Variants in KIRREL3 observed in about 807,000 individuals in gnomAD.
KIRREL3 encodes kin of IRRE-like protein 3.
KIRREL3 carries 36 observed loss-of-function variants against 89.7 expected under a neutral mutation model. The ratio of observed to expected loss-of-function variants is 0.40; its 90% CI spans 0.31 to 0.53. The LOEUF is 0.53. Among genes scored for constraint, KIRREL3 ranks in the 20% least tolerant of loss-of-function variants. The pLI is 0.49. For missense variants in KIRREL3, 864 were observed against 1,056.6 expected (o/e 0.82, Z 2.53); for synonymous variants, 445 against 441.4 (o/e 1.01, Z -0.10).
At chr11:126,831,931 A>G (rs1318178053) in intron 1 of KIRREL3, among the ~76,000 whole-genome samples, 1 of 152,284 alleles carries the variant, frequency 6.6e-6, no homozygotes, top group Non-Finnish European at 1.5e-5. Context: ...TTCCTGGCAT[A>G]GAACTGGTTG....
chr11:126,756,308 A>G (rs1946084), intron 1 of KIRREL3, among the ~76,000 whole-genome samples: 91,412 of 152,180 alleles, frequency 0.6, 28,406 homozygotes, highest in East Asian at 0.95. Context: ...ACCCTTCAAA[A>G]TGGGCTGTCA....
intron 7 of KIRREL3, among the ~76,000 whole-genome samples, chr11:126,450,680 C>T (rs1048289065): frequency 6.6e-5 from 9 of 135,386 alleles, no homozygotes; most frequent in Admixed American, 2.2e-4. Context: ...TGTCCATGTG[C>T]ATGGTGCGTG....
chr11:126,797,877 C>T lies in KIRREL3; in HGVS notation c.55+202578G>A, dbSNP rs916767687. On this transcript the variant is annotated intron_variant, in intron 1 of 16. Transcript: ENST00000525144. The surrounding 1 kb of genome is among the most constrained non-coding windows in gnomAD (Gnocchi z 4.9). ...GAAAAATGAAATAATTGCATTCTGA[C>T]TTGCTCAAAATGATTCATCTGCATG... 2.6e-5 allele frequency among the ~76,000 whole-genome samples: 4 copies of T among 152,178 alleles called. No homozygotes were observed. Among genetic ancestry groups the T allele is most frequent in the Non-Finnish European group, 5.9e-5 (4 of 68,042 alleles).
At chr11:126,832,644 G>T (rs1943646628) in intron 1 of KIRREL3, among the ~76,000 whole-genome samples, 1 of 152,182 alleles carries the variant, frequency 6.6e-6, no homozygotes, top group African/African-American at 2.4e-5. Context: ...GTGTGGTCCT[G>T]AAGGGTCTTC....
Position 126,530,792 on chromosome 11 carries a change from T to C in KIRREL3, c.134-4105A>G, listed in dbSNP as rs1467712791. On this transcript the variant is annotated intron_variant, in intron 2 of 16. Transcript: ENST00000525144. This position sits in a 1 kb window ranked among gnomAD's most constrained non-coding sequence, Gnocchi z 5.8. ...ATGATGTTCCCCTGGTGTGAAGCCT[T>C]GGCGGCCGGTGCAATCTCCCCTTCC... 1.3e-5 allele frequency among the ~76,000 whole-genome samples: 2 copies of C among 152,178 alleles called. No individual in the cohort carries two copies. Among genetic ancestry groups the C allele is most frequent in the Non-Finnish European group, 2.9e-5 (2 of 68,032 alleles).
chr11:126,766,704 T>C lies in KIRREL3; in HGVS notation c.56-203792A>G, dbSNP rs544107645. Among the ~76,000 whole-genome samples the C allele has an allele frequency of 5.6e-4, 86 of 152,336 alleles. No individual in the cohort carries two copies. The highest frequency in any genetic ancestry group is 2.1e-3 in the Admixed American group (32 of 15,306). ...ATAATCTCAATAGGCACTTACAGAA[T>C]TGACTTTTCTGCCTTGGCCTGGGGG... On this transcript the variant is annotated intron_variant, in intron 1 of 16. Transcript: ENST00000525144. The surrounding 1 kb of genome is among the most constrained non-coding windows in gnomAD (Gnocchi z 4.2).
chr11:126,922,121 G>GTCTATCTATCTATCTATCTA (rs60938174), intron 1 of KIRREL3, among the ~76,000 whole-genome samples: 7 of 139,962 alleles, frequency 5.0e-5, no homozygotes, highest in East Asian at 2.2e-4. Context: ...CTATCTGTCT[G>GTCTATCTATCTATCTATCTA]TCTATCTATC....
rs1947607863 is a variant in KIRREL3, at chr11:126,924,409, A to G, written c.55+76046T>C. Among the ~76,000 whole-genome samples, 1 of 152,224 alleles carries G rather than the reference A, an allele frequency of 6.6e-6. No homozygotes were observed. The highest frequency in any genetic ancestry group is 1.9e-4 in the East Asian group (1 of 5,198). On this transcript the variant is annotated intron_variant, in intron 1 of 16. Transcript: ENST00000525144. This position sits in a 1 kb window ranked among gnomAD's most constrained non-coding sequence, Gnocchi z 4.7. ...AGGTCCTTATAAGTACTCAAAAAAT[A>G]TGTGTTCAATGAAAAAATAATTGGG... is the stretch of plus-strand genomic sequence containing the variant.
intron 1 of KIRREL3, among the ~76,000 whole-genome samples, chr11:126,852,224 T>C (rs1944367226): frequency 1.3e-5 from 2 of 152,048 alleles, no homozygotes. Context: ...CAGCTAATGT[T>C]TGTATTTTTA....
intron 1 of KIRREL3, among the ~76,000 whole-genome samples, chr11:126,714,356 G>C (rs1565671744): frequency 6.6e-6 from 1 of 152,340 alleles, no homozygotes; most frequent in South Asian, 2.1e-4. Flanking sequence ...TGTGGCCCAG[G>C]CCGAGCCCTG....
Position 126,812,557 on chromosome 11 carries a change from G to C in KIRREL3, c.55+187898C>G, listed in dbSNP as rs1355120779. 6.6e-6 allele frequency among the ~76,000 whole-genome samples: 1 copy of C among 152,118 alleles called. No individual in the cohort carries two copies. The highest frequency in any genetic ancestry group is 2.4e-5 in the African/African-American group (1 of 41,396). On this transcript the variant is annotated intron_variant, in intron 1 of 16. Coordinates refer to ENST00000525144, the MANE Select transcript of KIRREL3 (RefSeq NM_032531.4). This position sits in a 1 kb window ranked among gnomAD's most constrained non-coding sequence, Gnocchi z 5.2. ...CCGCACGGTGTCTGGCACACAGTAG[G>C]CACTTCACAAATGCTAACAACAATT...
chr11:126,475,841 G>A lies in KIRREL3; in HGVS notation c.434-2375C>T, dbSNP rs1169364625. On this transcript the variant is annotated intron_variant, in intron 4 of 16. Coordinates refer to ENST00000525144, the MANE Select transcript of KIRREL3 (RefSeq NM_032531.4). This position sits in a 1 kb window ranked among gnomAD's most constrained non-coding sequence, Gnocchi z 7.5. ...ATTGCATCTCCACGCGGTGAGTGGG[G>A]GACTTGCAGCAGGAAGAGCAGGGCT... Among the ~76,000 whole-genome samples the A allele has an allele frequency of 6.6e-6, 1 of 152,224 alleles. No individual in the cohort carries two copies. Among genetic ancestry groups the A allele is most frequent in the Non-Finnish European group, 1.5e-5 (1 of 68,040 alleles).
chr11:126,558,995 T>A lies in KIRREL3; in HGVS notation c.133+3840A>T, dbSNP rs1939910893. On this transcript the variant is annotated intron_variant, in intron 2 of 16. Coordinates refer to ENST00000525144, the MANE Select transcript of KIRREL3 (RefSeq NM_032531.4). This position sits in a 1 kb window ranked among gnomAD's most constrained non-coding sequence, Gnocchi z 4.0. ...GGAACCAGTGAGAGTAAACTGGATC[T>A]ACTTAAAGATGTCCTGAGAGCATGG... is the stretch of plus-strand genomic sequence containing the variant. Among the ~76,000 whole-genome samples the A allele has an allele frequency of 6.6e-6, 1 of 152,108 alleles. No individual in the cohort carries two copies. Among genetic ancestry groups the A allele is most frequent in the Non-Finnish European group, 1.5e-5 (1 of 68,006 alleles).
At chr11:126,662,906 C>CTTTTTTTTTTTT in intron 1 of KIRREL3, among the ~76,000 whole-genome samples, 1 of 91,878 alleles carries the variant, frequency 1.1e-5, no homozygotes, top group Non-Finnish European at 2.1e-5. Context: ...AAAGTCCTTT[C>CTTTTTTTTTTTT]TTTTTTTTTT....
chr11:126,939,266 T>C (rs1177700540), intron 1 of KIRREL3, among the ~76,000 whole-genome samples: 1 of 152,222 alleles, frequency 6.6e-6, no homozygotes. Flanking sequence ...ACATCATCTA[T>C]CTCCATCAGG....
chr11:126,982,074 C>A (rs79626811), intron 1 of KIRREL3, among the ~76,000 whole-genome samples: 5,276 of 152,210 alleles, frequency 0.035, 273 homozygotes, highest in East Asian at 0.12. Context: ...TTCCCCAGAG[C>A]CCAGAGATCC....
intron 1 of KIRREL3, among the ~76,000 whole-genome samples, chr11:126,973,189 A>C (rs1949479779): frequency 0.045 from 1 of 22 alleles, no homozygotes; most frequent in African/African-American, 0.12. Flanking sequence ...TAACAGGCTG[A>C]ATGGCCCTGG....
chr11:126,569,760 A>G lies in KIRREL3; in HGVS notation c.56-6848T>C, dbSNP rs1940785683. The stretch of plus-strand genomic sequence containing the variant: ...AGGGAGGTCCTTGCAAAAGGCCTTG[A>G]AAGCTGGAGATTGTCCCTAGTTTTG... On this transcript the variant is annotated intron_variant, in intron 1 of 16. Transcript: ENST00000525144. This position sits in a 1 kb window ranked among gnomAD's most constrained non-coding sequence, Gnocchi z 6.5. 6.6e-6 allele frequency among the ~76,000 whole-genome samples: 1 copy of G among 152,174 alleles called. No individual in the cohort carries two copies. Among genetic ancestry groups the G allele is most frequent in the Non-Finnish European group, 1.5e-5 (1 of 68,036 alleles).
chr11:126,724,918 T>C lies in KIRREL3; in HGVS notation c.56-162006A>G, dbSNP rs1392259026. On this transcript the variant is annotated intron_variant, in intron 1 of 16. Coordinates refer to ENST00000525144, the MANE Select transcript of KIRREL3 (RefSeq NM_032531.4). The surrounding 1 kb of genome is among the most constrained non-coding windows in gnomAD (Gnocchi z 4.3). ...CACTTAATGAGTATTTATTGTACCT[T>C]GACTTTGTGTCAGGTAGTGTGCTAG... 6.6e-6 allele frequency among the ~76,000 whole-genome samples: 1 copy of C among 152,230 alleles called. No homozygotes were observed. Among genetic ancestry groups the C allele is most frequent in the African/African-American group, 2.4e-5 (1 of 41,458 alleles).
Sources: gnomAD v4.1 joint callset for allele counts (sites outside exome capture counted in the v4.1 genomes callset) on GRCh38, gnomAD v4.1.1 for gene constraint, Gnocchi (gnomAD v3.1) non-coding constraint, MANE v1.5 for transcripts, NCBI Gene and HGNC (gene_info 2026-07-23, HGNC 2026-07-21) for gene names.